PLCB1: variants seen among roughly 807,000 people sequenced by gnomAD.
The protein encoded by PLCB1 is 1-phosphatidylinositol 4,5-bisphosphate phosphodiesterase beta-1.
Under a neutral mutation model 161.8 loss-of-function variants are expected in PLCB1, and 46 were observed. The observed-to-expected ratio is 0.28, with a 90% CI of 0.22 to 0.36. The LOEUF (loss-of-function observed/expected upper bound fraction) is 0.36. Among genes scored for constraint, PLCB1 ranks in the 10% least tolerant of loss-of-function variants. The pLI, the probability that PLCB1 is intolerant of heterozygous loss-of-function variation, is 1.00. For synonymous variants in PLCB1, 517 were observed against 503.7 expected (o/e 1.03, Z -0.35); for missense variants, 1,016 against 1,472.5 (o/e 0.69, Z 5.07).
chr20:8,714,268 T>C (rs767698193), intron 12 of PLCB1, among the ~76,000 whole-genome samples: 7 of 152,130 alleles, frequency 4.6e-5, no homozygotes, highest in Admixed American at 6.5e-5. Context: ...GGGGCCACAC[T>C]TGGAGAAGTA....
intron 23 of PLCB1, 68 bp from the exon 24 acceptor site, chr20:8,756,978 G>T: frequency 7.1e-7 from 1 of 1,407,436 alleles, no homozygotes; most frequent in Non-Finnish European, 9.7e-7. Flanking sequence ...ATGTAGCCTT[G>T]TTGGTTTAGG....
chr20:8,338,961 G>T (rs111556399), intron 2 of PLCB1, among the ~76,000 whole-genome samples: 1 of 152,122 alleles, frequency 6.6e-6, no homozygotes, highest in Non-Finnish European at 1.5e-5. Flanking sequence ...AGATTCATCC[G>T]TGTTGTTCCA....
intron 2 of PLCB1, among the ~76,000 whole-genome samples, chr20:8,173,371 T>C (rs1384744611): frequency 6.6e-6 from 1 of 152,008 alleles, no homozygotes; most frequent in African/African-American, 2.4e-5. Flanking sequence ...GTCAGCCCTC[T>C]CAGGTACAGG....
At chr20:8,722,683 A>C (rs913361419) in intron 15 of PLCB1, among the ~76,000 whole-genome samples, 3 of 152,156 alleles carry the variant, frequency 2.0e-5, no homozygotes, top group Non-Finnish European at 2.9e-5. Flanking sequence ...TATTTATATA[A>C]ACTTAGGCAT....
chr20:8,277,606 A>G (rs1387478613), intron 2 of PLCB1, among the ~76,000 whole-genome samples: 1 of 152,162 alleles, frequency 6.6e-6, no homozygotes, highest in Non-Finnish European at 1.5e-5. Context: ...AGACATACTG[A>G]ATCAGAATTT....
At chr20:8,367,759 C>G (rs1046668249) in intron 2 of PLCB1, among the ~76,000 whole-genome samples, 13 of 152,150 alleles carry the variant, frequency 8.5e-5, no homozygotes, top group Admixed American at 7.2e-4. Flanking sequence ...AAACTATTGT[C>G]ACGAGAAAAT....
chr20:8,876,405 A>AATCT (rs1987782007), intron 31 of PLCB1, among the ~76,000 whole-genome samples: 1 of 152,168 alleles, frequency 6.6e-6, no homozygotes, highest in South Asian at 2.1e-4. Flanking sequence ...TTGTCTTGAA[A>AATCT]ATCTATCTGT....
intron 10 of PLCB1, among the ~76,000 whole-genome samples, chr20:8,695,752 G>A (rs1364933215): frequency 2.0e-5 from 3 of 152,148 alleles, no homozygotes; most frequent in Admixed American, 6.5e-5. Context: ...ATAAATCAAA[G>A]AAAATATTTA....
chr20:8,627,749 G>A (rs868066035), intron 3 of PLCB1, among the ~76,000 whole-genome samples: 8 of 152,278 alleles, frequency 5.3e-5, no homozygotes, highest in South Asian at 2.1e-4. Flanking sequence ...AGTACATTCC[G>A]AGGACAGAAC....
chr20:8,402,357 T>C (rs1488177193), intron 3 of PLCB1, among the ~76,000 whole-genome samples: 3 of 152,208 alleles, frequency 2.0e-5, no homozygotes, highest in South Asian at 2.1e-4. Context: ...TATTCCTTAG[T>C]AATGTTTTAA....
intron 2 of PLCB1, among the ~76,000 whole-genome samples, chr20:8,230,056 CAAAAA>C (rs547874616): frequency 6.8e-5 from 4 of 58,870 alleles, no homozygotes; most frequent in Non-Finnish European, 1.5e-4. Flanking sequence ...GACTTGGCAG[CAAAAA>C]AAAAAAAAAA....
intron 19 of PLCB1, among the ~76,000 whole-genome samples, chr20:8,736,351 T>G (rs1424895742): frequency 3.3e-5 from 5 of 152,248 alleles, no homozygotes; most frequent in Non-Finnish European, 5.9e-5. Flanking sequence ...GTTCTGTAGC[T>G]AGACAAAGAT....
At chr20:8,535,202 C>CAAAAAAAAAAAAAAAAAAAAA (rs11323420) in intron 3 of PLCB1, among the ~76,000 whole-genome samples, 1 of 52,796 alleles carries the variant, frequency 1.9e-5, no homozygotes, top group Non-Finnish European at 3.5e-5. Flanking sequence ...AGTTTATGGG[C>CAAAAAAAAAAAAAAAAAAAAA]AAAAAAAAAA....
chr20:8,253,380 C>T (rs66510567), intron 2 of PLCB1, among the ~76,000 whole-genome samples: 11,074 of 151,966 alleles, frequency 0.073, 495 homozygotes, highest in East Asian at 0.16. Flanking sequence ...ATATGTCAGT[C>T]TATCTCTGGA....
intron 31 of PLCB1, among the ~76,000 whole-genome samples, chr20:8,840,756 T>A (rs1986471300): frequency 6.6e-6 from 1 of 152,158 alleles, no homozygotes; most frequent in Admixed American, 6.5e-5. Context: ...AAAAATATAA[T>A]CTGAGCTACA....
At chr20:8,515,751 T>C (rs1984080503) in intron 3 of PLCB1, among the ~76,000 whole-genome samples, 2 of 152,196 alleles carry the variant, frequency 1.3e-5, no homozygotes, top group African/African-American at 4.8e-5. Flanking sequence ...GCATAGTGGC[T>C]TCAGCTAAAA....
intron 10 of PLCB1, among the ~76,000 whole-genome samples, chr20:8,686,604 T>C (rs1990364863): frequency 6.6e-6 from 1 of 152,248 alleles, no homozygotes; most frequent in East Asian, 1.9e-4. Flanking sequence ...TCAGAGTATA[T>C]TAATTTTTCC....
intron 3 of PLCB1, among the ~76,000 whole-genome samples, chr20:8,486,657 G>T (rs879693333): frequency 1.3e-5 from 2 of 150,632 alleles, no homozygotes; most frequent in Non-Finnish European, 3.0e-5. Context: ...CACCGCGCCC[G>T]GCTAATTTTT....
At chr20:8,457,736 A>G (rs1202734862) in intron 3 of PLCB1, among the ~76,000 whole-genome samples, 1 of 151,688 alleles carries the variant, frequency 6.6e-6, no homozygotes, top group Non-Finnish European at 1.5e-5. Context: ...ACACACACAC[A>G]CACACACACA....
Sources: allele counts gnomAD v4.1 joint callset (sites outside exome capture counted in the v4.1 genomes callset), GRCh38; gene constraint gnomAD v4.1.1; transcripts MANE v1.5; gene names NCBI Gene and HGNC (gene_info 2026-07-23, HGNC 2026-07-21).